FMNL2: variants seen among roughly 807,000 people sequenced by gnomAD.
FMNL2 encodes formin-like protein 2.
A neutral mutation model predicts 130.2 loss-of-function variants in FMNL2; 51 were observed. That is an observed-to-expected ratio of 0.39 (90% CI 0.31 to 0.49). The LOEUF (loss-of-function observed/expected upper bound fraction) is 0.49. FMNL2 is among the 20% of genes least tolerant of loss of function. FMNL2 has a pLI of 0.85. For missense variants in FMNL2, 977 were observed against 1,316.2 expected, an observed-to-expected ratio of 0.74 and a Z score of 3.99; for synonymous variants, 465 against 467.1, an observed-to-expected ratio of 1.00 and a Z score of 0.06.
At chr2:152,519,792 C>T (rs1692981638) in intron 1 of FMNL2, among the ~76,000 whole-genome samples, 1 of 152,166 alleles carries the variant, frequency 6.6e-6, no homozygotes, top group Admixed American at 6.5e-5. Context: ...GAATGGAGTA[C>T]TTGGCACCTT....
intron 1 of FMNL2, among the ~76,000 whole-genome samples, chr2:152,340,345 G>A (rs1008925485): frequency 6.6e-6 from 1 of 152,126 alleles, no homozygotes; most frequent in Non-Finnish European, 1.5e-5. Flanking sequence ...AAGGGCCTGC[G>A]ACTAGCAGTA....
At chr2:152,576,776 G>C (rs750872692) in intron 7 of FMNL2, among the ~76,000 whole-genome samples, 8 of 152,312 alleles carry the variant, frequency 5.3e-5, no homozygotes, top group African/African-American at 1.7e-4. Context: ...GGGGAAGAAG[G>C]TTCTAGGCAG....
chr2:152,435,371 A>T (rs1409545532), intron 1 of FMNL2, among the ~76,000 whole-genome samples: 1 of 152,202 alleles, frequency 6.6e-6, no homozygotes, highest in Non-Finnish European at 1.5e-5. Context: ...TTCAGAAAAT[A>T]ATTTGTATGC....
chr2:152,565,400 TG>T (rs1695779945), intron 6 of FMNL2, among the ~76,000 whole-genome samples: 1 of 152,024 alleles, frequency 6.6e-6, no homozygotes, highest in South Asian at 2.1e-4. Flanking sequence ...AAAGATCAGG[TG>T]TGCTAGGGAA....
chr2:152,479,163 G>A (rs1005188078), intron 1 of FMNL2, among the ~76,000 whole-genome samples: 4 of 151,880 alleles, frequency 2.6e-5, no homozygotes, highest in African/African-American at 9.7e-5. Flanking sequence ...TCACTCTGTT[G>A]CCCAGGCTCG....
In FMNL2 at chr2:152,396,116, C is replaced by G. The variant is rs548249688; in HGVS notation, c.117+60396C>G. ...ATCACGGCATTTCTGCAAAAATGAA[C>G]TCCTGTACCCACATCCCTCCCCCTC... is the stretch of plus-strand genomic sequence containing the variant. On this transcript the variant is annotated intron_variant, in intron 1 of 25. Coordinates refer to ENST00000288670, the MANE Select transcript of FMNL2 (RefSeq NM_052905.4). Among the ~76,000 whole-genome samples, 62 of 152,296 alleles carry G rather than the reference C, an allele frequency of 4.1e-4. 1 individual carries two copies. The highest frequency in any genetic ancestry group is 3.4e-3 in the Middle Eastern group (1 of 294).
At chr2:152,385,021 G>T (rs925379503) in intron 1 of FMNL2, among the ~76,000 whole-genome samples, 3 of 152,174 alleles carry the variant, frequency 2.0e-5, no homozygotes, top group African/African-American at 7.2e-5. Flanking sequence ...CCGAGGCCAT[G>T]CTCCCTATCT....
intron 1 of FMNL2, among the ~76,000 whole-genome samples, chr2:152,351,092 G>C (rs1682455261): frequency 6.6e-6 from 1 of 152,124 alleles, no homozygotes; most frequent in Non-Finnish European, 1.5e-5. Context: ...AAAATAAAGT[G>C]AAAGTTGTGT....
chr2:152,350,944 C>G (rs1682445813), intron 1 of FMNL2, among the ~76,000 whole-genome samples: 2 of 152,124 alleles, frequency 1.3e-5, no homozygotes, highest in South Asian at 4.1e-4. Flanking sequence ...ACTTGGGAGG[C>G]TGAGGCAGGA....
chr2:152,629,202 TC>T (rs1284099315), intron 18 of FMNL2, among the ~76,000 whole-genome samples: 1 of 152,246 alleles, frequency 6.6e-6, no homozygotes, highest in African/African-American at 2.4e-5. Flanking sequence ...TAGTAGTATG[TC>T]TGTTGAAAAC....
chr2:152,628,637 A>T (rs910833878), intron 18 of FMNL2, 104 bp downstream of exon 18: 4 of 939,384 alleles, frequency 4.3e-6, no homozygotes, highest in South Asian at 1.6e-5. Context: ...GGTTCTAAAG[A>T]CTCCTTCCCA....
intron 1 of FMNL2, among the ~76,000 whole-genome samples, chr2:152,403,945 G>A (rs968703561): frequency 1.3e-5 from 2 of 152,164 alleles, no homozygotes; most frequent in Non-Finnish European, 2.9e-5. Flanking sequence ...GTGAGCCCCT[G>A]TAGTCCCAGC....
At chr2:152,359,441 C>T (rs1003655338) in intron 1 of FMNL2, among the ~76,000 whole-genome samples, 12 of 149,452 alleles carry the variant, frequency 8.0e-5, no homozygotes, top group African/African-American at 3.0e-4. Context: ...ATATATTCAT[C>T]ATTTAATTTC....
chr2:152,529,600 G>A (rs922272044), intron 2 of FMNL2, among the ~76,000 whole-genome samples: 1 of 152,168 alleles, frequency 6.6e-6, no homozygotes, highest in Admixed American at 6.5e-5. Context: ...CAATCAAATA[G>A]CAGATGCCAA....
intron 1 of FMNL2, among the ~76,000 whole-genome samples, chr2:152,516,138 C>T (rs1692753990): frequency 1.3e-5 from 2 of 152,028 alleles, no homozygotes; most frequent in East Asian, 1.9e-4. Context: ...GTAATGGCTC[C>T]GGGGAAGGGA....
chr2:152,626,459 T>C, intron 16 of FMNL2, 66 bp from the exon 17 acceptor site: 2 of 1,354,804 alleles, frequency 1.5e-6, no homozygotes, highest in Non-Finnish European at 2.0e-6. Flanking sequence ...AGAAACTAAC[T>C]GGTGGCTTCC....
At chr2:152,390,392 G>A (rs1439648299) in intron 1 of FMNL2, 1 of 1,065,544 alleles carries the variant, frequency 9.4e-7, no homozygotes, top group Non-Finnish European at 1.5e-6. Context: ...TCAATAAGAT[G>A]GAGTGGTGGA....
intron 7 of FMNL2, among the ~76,000 whole-genome samples, chr2:152,578,407 C>T (rs1165151188): frequency 6.6e-6 from 1 of 152,026 alleles, no homozygotes; most frequent in Non-Finnish European, 1.5e-5. Flanking sequence ...AACTCAGGTG[C>T]CAGGTCCCTG....
intron 6 of FMNL2, among the ~76,000 whole-genome samples, chr2:152,565,333 A>G (rs11899045): frequency 0.011 from 1,749 of 152,246 alleles, 23 homozygotes; most frequent in African/African-American, 0.037. Context: ...AGGGTAAGGA[A>G]AGGTTGCTCC....
Sources: allele counts gnomAD v4.1 joint callset (sites outside exome capture counted in the v4.1 genomes callset), GRCh38; gene constraint gnomAD v4.1.1; transcripts MANE v1.5; gene names NCBI Gene and HGNC (gene_info 2026-07-23, HGNC 2026-07-21).